Variants in GPC6 observed in about 807,000 individuals in gnomAD.
GPC6 encodes glypican-6.
Under a neutral mutation model 55.2 loss-of-function variants are expected in GPC6, and 14 were observed. The ratio of observed to expected loss-of-function variants is 0.25; its 90% confidence interval spans 0.17 to 0.40. GPC6 has a LOEUF of 0.40. Among genes scored for constraint, GPC6 ranks in the 10% least tolerant of loss-of-function variants. The pLI, the probability that GPC6 is intolerant of heterozygous loss-of-function variation, is 1.00. For missense variants in GPC6, 641 were observed against 708.5 expected, an observed-to-expected ratio of 0.90 and a Z score of 1.08; for synonymous variants, 278 against 259.6, an observed-to-expected ratio of 1.07 and a Z score of -0.68.
intron 1 of GPC6, among the ~76,000 whole-genome samples, chr13:93,489,152 G>A (rs1342068472): frequency 6.6e-6 from 1 of 151,460 alleles, no homozygotes; most frequent in Non-Finnish European, 1.5e-5. Flanking sequence ...TTTGTATAAG[G>A]TGTAAGGAAA....
intron 2 of GPC6, among the ~76,000 whole-genome samples, chr13:93,708,651 G>A (rs1430521791): frequency 1.3e-5 from 2 of 151,680 alleles, no homozygotes; most frequent in Non-Finnish European, 2.9e-5. Context: ...TTGTCATAAG[G>A]ATTTTTGGCA....
intron 1 of GPC6, among the ~76,000 whole-genome samples, chr13:93,342,694 G>C (rs754080550): frequency 6.6e-6 from 1 of 152,160 alleles, no homozygotes; most frequent in Non-Finnish European, 1.5e-5. Context: ...GAAGAGAAAT[G>C]AGTGGATTTG....
chr13:94,190,351 A>G (rs1402143804), intron 4 of GPC6, among the ~76,000 whole-genome samples: 1 of 151,890 alleles, frequency 6.6e-6, no homozygotes, highest in Admixed American at 6.6e-5. Flanking sequence ...ACTTTTTCCT[A>G]GTGAAATGAC....
At chr13:93,966,797 C>T (rs187264534) in intron 3 of GPC6, among the ~76,000 whole-genome samples, 411 of 151,850 alleles carry the variant, frequency 2.7e-3, no homozygotes, top group Non-Finnish European at 4.8e-3. Context: ...ACTACAGTCA[C>T]ATGCCACTAC....
chr13:94,134,137 G>A (rs1256901327), intron 4 of GPC6, among the ~76,000 whole-genome samples: 1 of 152,080 alleles, frequency 6.6e-6, no homozygotes, highest in Non-Finnish European at 1.5e-5. Flanking sequence ...TATCATAAAG[G>A]CAGTGACAAA....
intron 2 of GPC6, among the ~76,000 whole-genome samples, chr13:93,586,194 T>A (rs1594289093): frequency 1.3e-5 from 2 of 152,098 alleles, no homozygotes. Flanking sequence ...CTCCCACTTA[T>A]AAGAGAGAAG....
chr13:93,564,811 C>G (rs1287701490), intron 2 of GPC6, among the ~76,000 whole-genome samples: 1 of 152,104 alleles, frequency 6.6e-6, no homozygotes, highest in Non-Finnish European at 1.5e-5. Flanking sequence ...TACAAAATAA[C>G]TAAAACAGAC....
chr13:93,294,855 G>A (rs1211995184), intron 1 of GPC6, among the ~76,000 whole-genome samples: 1 of 151,758 alleles, frequency 6.6e-6, no homozygotes, highest in Non-Finnish European at 1.5e-5. Flanking sequence ...ATTCTGCTTG[G>A]ACATACATCA....
intron 6 of GPC6, among the ~76,000 whole-genome samples, chr13:94,309,527 A>ATATATAATATTATC (rs60364611): frequency 2.6e-5 from 4 of 152,298 alleles, no homozygotes; most frequent in Admixed American, 2.6e-4. Context: ...TTATATTTAT[A>ATATATAATATTATC]AGGAACTTAT....
At chr13:93,969,785 A>T (rs937351664) in intron 3 of GPC6, among the ~76,000 whole-genome samples, 2 of 151,184 alleles carry the variant, frequency 1.3e-5, no homozygotes, top group Admixed American at 1.3e-4. Flanking sequence ...CATGAGATCC[A>T]CCTTTTTAGC....
rs976630849 is a variant in GPC6, at chr13:93,495,695, G to T, written c.161-49568G>T. ...CTTTGATGATGGTGATGTACAGATGGGTTTTCGGTGTGGATGTCCTTTCTG... is the reference window on the plus strand; with the variant it reads ...CTTTGATGATGGTGATGTACAGATGTGTTTTCGGTGTGGATGTCCTTTCTG... On this transcript the variant is annotated intron_variant, in intron 1 of 8. Coordinates refer to ENST00000377047, the MANE Select transcript of GPC6 (RefSeq NM_005708.5). 1.4e-4 allele frequency among the ~76,000 whole-genome samples: 17 copies of T among 123,412 alleles called. No homozygotes were observed. The Admixed American group carries it at 1.5e-3, about 11-fold the overall frequency. The allele number at this position is 123,412 out of a possible 152,430, so 81.0% of individuals were successfully genotyped here. A position where few individuals can be genotyped will look rare whatever the true frequency, so the allele number is the denominator to read the frequency against.
intron 2 of GPC6, among the ~76,000 whole-genome samples, chr13:93,773,401 G>A (rs1227797315): frequency 6.6e-6 from 1 of 152,012 alleles, no homozygotes; most frequent in Non-Finnish European, 1.5e-5. Context: ...TCTGGGCTCT[G>A]GAAATTGATG....
intron 2 of GPC6, 83 bp from the exon 3 acceptor site, chr13:93,830,071 A>G (rs1887424416): frequency 4.4e-6 from 4 of 899,796 alleles, no homozygotes; most frequent in Admixed American, 4.6e-5. Flanking sequence ...ATGTCAATTA[A>G]AAGCAGTTGT....
chr13:93,969,365 A>G (rs768080219), intron 3 of GPC6, among the ~76,000 whole-genome samples: 4 of 152,172 alleles, frequency 2.6e-5, no homozygotes, highest in Admixed American at 6.5e-5. Context: ...GAAGTAGAGA[A>G]GGAAACCTAG....
intron 2 of GPC6, among the ~76,000 whole-genome samples, chr13:93,643,316 G>A (rs894983300): frequency 4.6e-5 from 7 of 152,138 alleles, no homozygotes; most frequent in African/African-American, 1.7e-4. Context: ...CAGAGTAGGG[G>A]GGTTCAAAAC....
intron 3 of GPC6, among the ~76,000 whole-genome samples, chr13:93,947,976 A>C (rs1387882570): frequency 6.6e-6 from 1 of 152,140 alleles, no homozygotes; most frequent in Non-Finnish European, 1.5e-5. Flanking sequence ...GACATACTTA[A>C]TTTTACTACC....
At chr13:93,834,862 T>A (rs1887674317) in intron 3 of GPC6, among the ~76,000 whole-genome samples, 1 of 152,232 alleles carries the variant, frequency 6.6e-6, no homozygotes, top group East Asian at 1.9e-4. Context: ...AAAAATAAAT[T>A]TTGATAATGT....
At chr13:93,278,203 C>T (rs535554195) in intron 1 of GPC6, among the ~76,000 whole-genome samples, 1 of 152,166 alleles carries the variant, frequency 6.6e-6, no homozygotes, top group East Asian at 1.9e-4. Flanking sequence ...TAGAAAGTGC[C>T]ACAGTGATTC....
At chr13:93,358,760 T>C (rs1267154099) in intron 1 of GPC6, among the ~76,000 whole-genome samples, 1 of 152,152 alleles carries the variant, frequency 6.6e-6, no homozygotes, top group Non-Finnish European at 1.5e-5. Flanking sequence ...GGAACATAAA[T>C]TTAACTATAT....
Sources: allele counts gnomAD v4.1 joint callset (sites outside exome capture counted in the v4.1 genomes callset), GRCh38; gene constraint gnomAD v4.1.1; transcripts MANE v1.5; gene names NCBI Gene and HGNC (gene_info 2026-07-23, HGNC 2026-07-21).